TNFAIP8L3: variants seen among roughly 807,000 people sequenced by gnomAD.
TNFAIP8L3 encodes the protein TNF alpha induced protein 8 like 3.
In TNFAIP8L3, 7 loss-of-function variants were observed where a neutral mutation model predicts 11.8. The observed-to-expected ratio is 0.59, with a 90% CI of 0.34 to 1.11. TNFAIP8L3 has a LOEUF of 1.11. Ranked by LOEUF, TNFAIP8L3 falls within the 50% of genes most tolerant of loss-of-function variation. The probability of loss-of-function intolerance (pLI) is 0.03; values close to 1 mark genes in which losing one functional copy is unlikely to be tolerated. For missense variants in TNFAIP8L3, 219 were observed against 258.6 expected (o/e 0.85, Z 1.05); for synonymous variants, 98 against 103.8 (o/e 0.94, Z 0.34).
chr15:51,091,653 G>C (rs2065470233), intron 1 of TNFAIP8L3, among the ~76,000 whole-genome samples: 1 of 129,360 alleles, frequency 7.7e-6, no homozygotes. Context: ...ATGAGAAGAG[G>C]TAAACTAAAA....
intron 1 of TNFAIP8L3, among the ~76,000 whole-genome samples, chr15:51,071,389 C>G (rs1460017549): frequency 6.6e-6 from 1 of 152,116 alleles, no homozygotes; most frequent in Non-Finnish European, 1.5e-5. Flanking sequence ...CTTCTAGCTC[C>G]CAGATCAAAC....
upstream of TNFAIP8L3, among the ~76,000 whole-genome samples, chr15:51,095,050 G>C (rs1227370866): frequency 6.6e-6 from 1 of 152,098 alleles, no homozygotes; most frequent in African/African-American, 2.4e-5. Context: ...CCTAGGGTGA[G>C]GCCAAGTTTG....
chr15:51,059,171 C>T (rs1239648834), intron 1 of TNFAIP8L3, among the ~76,000 whole-genome samples: 2 of 152,128 alleles, frequency 1.3e-5, no homozygotes, highest in Non-Finnish European at 2.9e-5. Flanking sequence ...GGAACACAGA[C>T]ATCAGTAACT....
At chr15:51,090,144 G>T (rs1451905607) in intron 1 of TNFAIP8L3, among the ~76,000 whole-genome samples, 1 of 152,170 alleles carries the variant, frequency 6.6e-6, no homozygotes, top group Admixed American at 6.5e-5. Context: ...TGGGGTGGGG[G>T]AGCCTGTCTC....
chr15:51,090,138 G>T (rs1010898429), intron 1 of TNFAIP8L3, among the ~76,000 whole-genome samples: 10 of 152,218 alleles, frequency 6.6e-5, no homozygotes, highest in African/African-American at 2.4e-4. Flanking sequence ...CGTCTGTGGG[G>T]TGGGGGAGCC....
At chr15:51,092,476 T>G (rs1353549803) in intron 1 of TNFAIP8L3, among the ~76,000 whole-genome samples, 1 of 152,238 alleles carries the variant, frequency 6.6e-6, no homozygotes, top group Non-Finnish European at 1.5e-5. Flanking sequence ...GGAGAATACT[T>G]TAAGATGGAA....
intron 1 of TNFAIP8L3, among the ~76,000 whole-genome samples, chr15:51,065,918 G>A (rs2065267904): frequency 6.6e-6 from 1 of 152,142 alleles, no homozygotes; most frequent in African/African-American, 2.4e-5. Flanking sequence ...ACAATCTGGA[G>A]TGCTTAATGG....
chr15:51,062,646 T>A (rs373283634), intron 1 of TNFAIP8L3, among the ~76,000 whole-genome samples: 13 of 152,332 alleles, frequency 8.5e-5, no homozygotes, highest in African/African-American at 2.9e-4. Flanking sequence ...AAATATTAAG[T>A]GTTCCTTGGG....
intron 1 of TNFAIP8L3, among the ~76,000 whole-genome samples, chr15:51,078,589 TG>T (rs1411314696): frequency 6.6e-6 from 1 of 152,038 alleles, no homozygotes; most frequent in African/African-American, 2.4e-5. Flanking sequence ...TCCCATGGAC[TG>T]ACCCCTGCCC....
intron 1 of TNFAIP8L3, among the ~76,000 whole-genome samples, chr15:51,068,923 C>A (rs1026747443): frequency 6.6e-6 from 1 of 152,080 alleles, no homozygotes; most frequent in Non-Finnish European, 1.5e-5. Context: ...CCTCGGCCTC[C>A]CAAAGTGCTG....
At chr15:51,075,998 TC>T (rs2065346375) in intron 1 of TNFAIP8L3, among the ~76,000 whole-genome samples, 1 of 152,146 alleles carries the variant, frequency 6.6e-6, no homozygotes, top group Non-Finnish European at 1.5e-5. Context: ...CATTATGGCT[TC>T]CTCAGTGTTC....
intron 1 of TNFAIP8L3, among the ~76,000 whole-genome samples, chr15:51,061,012 TG>T (rs2065239239): frequency 6.6e-6 from 1 of 152,222 alleles, no homozygotes; most frequent in African/African-American, 2.4e-5. Context: ...GGCATGCATC[TG>T]TAGGCCCAGC....
chr15:51,086,159 T>C (rs1295060870), intron 1 of TNFAIP8L3, among the ~76,000 whole-genome samples: 1 of 152,206 alleles, frequency 6.6e-6, no homozygotes, highest in Non-Finnish European at 1.5e-5. Flanking sequence ...AAGCACACTT[T>C]GAAAAAGGGT....
chr15:51,070,890 C>CA (rs71127178), intron 1 of TNFAIP8L3, among the ~76,000 whole-genome samples: 42,295 of 135,594 alleles, frequency 0.31, 7,098 homozygotes, highest in Middle Eastern at 0.49. Context: ...ACTAAAAATA[C>CA]AAAAAAAAAA....
chr15:51,104,965 C>G, intron 1 of TNFAIP8L3: 1 of 1,613,700 alleles, frequency 6.2e-7, no homozygotes, highest in Non-Finnish European at 8.5e-7. Flanking sequence ...CTCCCCGCCC[C>G]TATACTTCCT....
chr15:51,072,985 G>T, intron 1 of TNFAIP8L3, among the ~76,000 whole-genome samples: 2 of 122,636 alleles, frequency 1.6e-5, no homozygotes, highest in South Asian at 2.6e-4. Context: ...AAGTAAACTG[G>T]GATCCTTTTT....
intron 1 of TNFAIP8L3, among the ~76,000 whole-genome samples, chr15:51,061,901 C>A (rs1048762571): frequency 6.6e-6 from 1 of 152,038 alleles, no homozygotes; most frequent in African/African-American, 2.4e-5. Flanking sequence ...GGTGTCTTAC[C>A]AAAAGAATCA....
intron 1 of TNFAIP8L3, among the ~76,000 whole-genome samples, chr15:51,102,886 A>T (rs2065564239): frequency 6.6e-6 from 1 of 152,098 alleles, no homozygotes; most frequent in South Asian, 2.1e-4. Flanking sequence ...CCTGTACACC[A>T]GTGTTCTACT....
intron 1 of TNFAIP8L3, among the ~76,000 whole-genome samples, chr15:51,081,778 G>A (rs996060644): frequency 1.3e-5 from 2 of 152,200 alleles, no homozygotes; most frequent in East Asian, 3.9e-4. Context: ...GAAATCCTGG[G>A]TAGAGGTGGT....
Sources: gnomAD v4.1 joint callset for allele counts (sites outside exome capture counted in the v4.1 genomes callset) on GRCh38, gnomAD v4.1.1 for gene constraint, MANE v1.5 for transcripts, NCBI Gene and HGNC (gene_info 2026-07-23, HGNC 2026-07-21) for gene names.